MYO3A: variants seen among roughly 807,000 people sequenced by gnomAD.
MYO3A encodes the protein myosin IIIA, also known as myosin-IIIa.
In MYO3A, 180 loss-of-function variants were observed where a neutral mutation model predicts 192.7. The ratio of observed to expected loss-of-function variants is 0.93; its 90% CI spans 0.83 to 1.06. The LOEUF (loss-of-function observed/expected upper bound fraction) is 1.06, where lower values mean the gene tolerates loss of function less well. Among genes scored for constraint, MYO3A ranks in the 50% least tolerant of loss-of-function variants. MYO3A has a pLI of 0.00. For missense variants in MYO3A, 1,896 were observed against 1,905.0 expected (o/e 1.00, Z 0.09); for synonymous variants, 628 against 645.3 (o/e 0.97, Z 0.41).
At chr10:25,938,098 G>T (rs1282643255) in intron 2 of MYO3A, among the ~76,000 whole-genome samples, 1 of 152,084 alleles carries the variant, frequency 6.6e-6, no homozygotes, top group Non-Finnish European at 1.5e-5. Context: ...AACCAGGAGG[G>T]CTTTGTTTTA....
intron 19 of MYO3A, among the ~76,000 whole-genome samples, chr10:26,127,349 G>A (rs957252815): frequency 1.3e-5 from 2 of 151,824 alleles, no homozygotes; most frequent in African/African-American, 4.8e-5. Context: ...GATCCTGTGG[G>A]GCAAAGAGAT....
chr10:26,064,597 A>G (rs932713022), intron 10 of MYO3A, among the ~76,000 whole-genome samples: 1 of 152,092 alleles, frequency 6.6e-6, no homozygotes, highest in Non-Finnish European at 1.5e-5. Flanking sequence ...GAAGAGTGTC[A>G]GAAGGTAAAG....
intron 12 of MYO3A, among the ~76,000 whole-genome samples, 179 bp from the exon 13 acceptor site, chr10:26,069,932 A>T (rs1197411728): frequency 6.6e-6 from 1 of 152,156 alleles, no homozygotes; most frequent in Middle Eastern, 3.4e-3. Context: ...TATTTTACAT[A>T]GTTATACATT....
At chr10:26,164,742 C>T (rs975861706) in intron 26 of MYO3A, among the ~76,000 whole-genome samples, 5 of 152,052 alleles carry the variant, frequency 3.3e-5, no homozygotes, top group African/African-American at 4.8e-5. Flanking sequence ...GGTCCAGGCA[C>T]GCATGTTTGC....
intron 29 of MYO3A, among the ~76,000 whole-genome samples, chr10:26,171,097 C>T (rs1023500954): frequency 2.0e-5 from 3 of 152,174 alleles, no homozygotes; most frequent in African/African-American, 7.2e-5. Flanking sequence ...ACACATCCCT[C>T]TTGTAAAATG....
intron 22 of MYO3A, among the ~76,000 whole-genome samples, chr10:26,147,127 C>T (rs537489882): frequency 1.3e-5 from 2 of 152,248 alleles, no homozygotes; most frequent in South Asian, 4.1e-4. Context: ...TATGCTGCTC[C>T]ATCCCTCCAA....
chr10:26,002,683 T>TAATCA (rs1840913803), intron 6 of MYO3A, among the ~76,000 whole-genome samples: 1 of 152,028 alleles, frequency 6.6e-6, no homozygotes, highest in African/African-American at 2.4e-5. Flanking sequence ...GTGGAGCAGG[T>TAATCA]GATTGAAATG....
Position 26,195,135 on chromosome 10 carries a change from T to A in MYO3A, c.4545+1824T>A, listed in dbSNP as rs1045432316. Reference sequence around the variant, plus strand: ...CTAGGCGATCACCAATCTAGTTTTCTGTTTCTGTAGATTTGCCTATTCTGG... The same window carrying A: ...CTAGGCGATCACCAATCTAGTTTTCAGTTTCTGTAGATTTGCCTATTCTGG... On this transcript the variant is annotated intron_variant, in intron 32 of 34. Transcript: ENST00000642920. Among the ~76,000 whole-genome samples the A allele has an allele frequency of 2.0e-5, 3 of 152,216 alleles. No individual in the cohort carries two copies. In the East Asian group the frequency reaches 5.8e-4, roughly 29 times the overall value.
chr10:25,942,816 A>G (rs1209760767), intron 2 of MYO3A, among the ~76,000 whole-genome samples: 1 of 149,432 alleles, frequency 6.7e-6, no homozygotes, highest in Non-Finnish European at 1.5e-5. Context: ...TTGTAGAGTT[A>G]TTTATATATT....
intron 4 of MYO3A, among the ~76,000 whole-genome samples, chr10:25,966,615 G>A (rs1838283763): frequency 6.6e-6 from 1 of 152,126 alleles, no homozygotes; most frequent in African/African-American, 2.4e-5. Flanking sequence ...TTTATTCTTT[G>A]AAATAGCCCC....
chr10:26,077,700 T>C (rs1352943172), intron 14 of MYO3A, among the ~76,000 whole-genome samples: 1 of 152,102 alleles, frequency 6.6e-6, no homozygotes, highest in East Asian at 1.9e-4. Context: ...AGAGTTTTAA[T>C]CATAAAGTGA....
At chr10:26,189,404 A>G (rs1843018337) in intron 31 of MYO3A, among the ~76,000 whole-genome samples, 1 of 152,232 alleles carries the variant, frequency 6.6e-6, no homozygotes, top group Non-Finnish European at 1.5e-5. Context: ...TTGTGCAACT[A>G]GCAAGTACCA....
intron 18 of MYO3A, among the ~76,000 whole-genome samples, chr10:26,124,319 AT>A (rs917880370): frequency 2.0e-5 from 3 of 152,248 alleles, no homozygotes; most frequent in African/African-American, 7.2e-5. Context: ...TTATCCTGGC[AT>A]TTTTTAAAAT....
chr10:26,175,313 C>T (rs1212931613), intron 30 of MYO3A, among the ~76,000 whole-genome samples: 1 of 152,226 alleles, frequency 6.6e-6, no homozygotes, highest in African/African-American at 2.4e-5. Flanking sequence ...TCCACTTCCT[C>T]CTTTCTCTTT....
Position 25,939,168 on chromosome 10 carries a change from A to G in MYO3A, c.-18+3338A>G, listed in dbSNP as rs1836310119. On this transcript the variant is annotated intron_variant, in intron 2 of 34. Transcript: ENST00000642920. ...CTAATCTGGTTTTAGATTTATTAATATAAAATTATCTTTTTAGTCTCTGCT... is the reference window on the plus strand; with the variant it reads ...CTAATCTGGTTTTAGATTTATTAATGTAAAATTATCTTTTTAGTCTCTGCT... Among the ~76,000 whole-genome samples the G allele has an allele frequency of 2.6e-5, 4 of 152,026 alleles. No homozygotes were observed. In the South Asian group the frequency reaches 8.3e-4, roughly 31 times the overall value.
chr10:26,120,970 C>T (rs1024387853), intron 18 of MYO3A, among the ~76,000 whole-genome samples, 168 bp downstream of exon 18: 1 of 152,068 alleles, frequency 6.6e-6, no homozygotes, highest in Non-Finnish European at 1.5e-5. Flanking sequence ...CTACTTAAAA[C>T]ATCTTCATGC....
At chr10:26,210,754 C>T (rs879236745) in intron 34 of MYO3A, among the ~76,000 whole-genome samples, 3 of 152,124 alleles carry the variant, frequency 2.0e-5, no homozygotes, top group Non-Finnish European at 1.5e-5. Flanking sequence ...CTATTTCCCC[C>T]TCTCGCTTAC....
intron 10 of MYO3A, among the ~76,000 whole-genome samples, chr10:26,050,514 T>C (rs1843927029): frequency 6.6e-6 from 1 of 152,208 alleles, no homozygotes; most frequent in Admixed American, 6.5e-5. Flanking sequence ...ACAGAAACTG[T>C]GTTTCTTTGC....
chr10:25,982,576 G>C (rs1350372193), intron 4 of MYO3A, among the ~76,000 whole-genome samples: 3 of 152,152 alleles, frequency 2.0e-5, no homozygotes, highest in African/African-American at 7.2e-5. Context: ...ACCAGTGCAG[G>C]TATCCACAGC....
Sources: allele counts gnomAD v4.1 joint callset (sites outside exome capture counted in the v4.1 genomes callset), GRCh38; gene constraint gnomAD v4.1.1; transcripts MANE v1.5; gene names NCBI Gene and HGNC (gene_info 2026-07-23, HGNC 2026-07-21).